Variants in NPEPL1 observed in about 807,000 individuals in gnomAD.
The protein encoded by NPEPL1 is probable aminopeptidase NPEPL1.
A neutral mutation model predicts 52.4 loss-of-function variants in NPEPL1; 45 were observed. The ratio of observed to expected loss-of-function variants is 0.86; its 90% CI spans 0.68 to 1.10. The LOEUF (loss-of-function observed/expected upper bound fraction) is 1.10, where lower values mean the gene tolerates loss of function less well. Ranked by LOEUF, NPEPL1 falls within the 50% of genes least tolerant of loss-of-function variation. The pLI is 0.00. For synonymous variants in NPEPL1, 360 were observed against 314.7 expected (o/e 1.14, Z -1.52); for missense variants, 696 against 710.9 (o/e 0.98, Z 0.24).
intron 1 of NPEPL1, 87 bp downstream of exon 1, chr20:58,693,137 C>T (rs889049758): frequency 1.2e-5 from 11 of 894,082 alleles, no homozygotes; most frequent in Non-Finnish European, 1.2e-5. Context: ...GCCCGCCGCA[C>T]CCCCGCCGCC....
At chr20:58,700,145 A>G (rs569140997) in intron 5 of NPEPL1, among the ~76,000 whole-genome samples, 1 of 152,348 alleles carries the variant, frequency 6.6e-6, no homozygotes, top group Non-Finnish European at 1.5e-5. Flanking sequence ...TGAGCGAGAG[A>G]TAGGGATAAA....
At chr20:58,693,576 A>C in intron 1 of NPEPL1, 161 bp from the exon 2 acceptor site, 1 of 602,142 alleles carries the variant, frequency 1.7e-6, no homozygotes, top group East Asian at 3.0e-5. Flanking sequence ...CTCTGCAGAG[A>C]GGCGACACAT....
chr20:58,712,051 G>A (rs994169069), intron 7 of NPEPL1, among the ~76,000 whole-genome samples: 1 of 152,228 alleles, frequency 6.6e-6, no homozygotes, highest in African/African-American at 2.4e-5. Flanking sequence ...GCATCAGAAA[G>A]CCATAACTTC....
chr20:58,713,319 G>C lies in NPEPL1; in HGVS notation c.1002-101G>C. On this transcript the variant is annotated intron_variant, in intron 8 of 11. Coordinates refer to ENST00000356091, the MANE Select transcript of NPEPL1 (RefSeq NM_024663.4). This position sits in a 1 kb window ranked among gnomAD's most constrained non-coding sequence, Gnocchi z 4.6. ...ACGTGTTGGGGTTCGGGGAGCCACA[G>C]GGATGGGCAGCTCCAAATGGGGTCT... 1 of 1,435,654 alleles carries C rather than the reference G, an allele frequency of 7.0e-7. No homozygotes were observed. The highest frequency in any genetic ancestry group is 9.3e-7 in the Non-Finnish European group (1 of 1,073,756). The allele number at this position is 1,435,654 out of a possible 1,614,324, so 88.9% of individuals were successfully genotyped here. A position where few individuals can be genotyped will look rare whatever the true frequency, so the allele number is the denominator to read the frequency against.
intron 6 of NPEPL1, among the ~76,000 whole-genome samples, chr20:58,702,904 G>A (rs926468971): frequency 2.0e-5 from 3 of 152,204 alleles, no homozygotes; most frequent in Non-Finnish European, 4.4e-5. Flanking sequence ...TCTTCAGGGT[G>A]GATTCTTGTG....
intron 7 of NPEPL1, among the ~76,000 whole-genome samples, chr20:58,712,025 G>A (rs2084856070): frequency 6.6e-6 from 1 of 152,246 alleles, no homozygotes; most frequent in African/African-American, 2.4e-5. Flanking sequence ...ATTTCTCAGT[G>A]AACAAATGAC....
In NPEPL1 at chr20:58,715,439, G is replaced by A. The variant is rs183527479; in HGVS notation, c.*113G>A. ...TGGGTTTTGGTTTGTCTTTCTGGTC[G>A]TCAGCGTGGTGGTGGAAACAGCTGA... On this transcript the variant is annotated 3_prime_UTR_variant, in exon 12 of 12. Transcript: ENST00000356091. The A allele has an allele frequency of 6.0e-5, 71 of 1,176,844 alleles. No homozygotes were observed. In the African/African-American group the frequency reaches 8.3e-4, roughly 14 times the overall value. The allele number at this position is 1,176,844 out of a possible 1,614,324, so 72.9% of individuals were successfully genotyped here. A position where few individuals can be genotyped will look rare whatever the true frequency, so the allele number is the denominator to read the frequency against.
Position 58,693,002 on chromosome 20 carries a change from G to A in NPEPL1, c.102G>A (p.Val34=), listed in dbSNP as rs1410598180. Residue 34 remains valine, a synonymous_variant, in exon 1 of 12, where the codon GTG becomes GTA. Coordinates refer to ENST00000356091, the MANE Select transcript of NPEPL1 (RefSeq NM_024663.4). The part of the protein sequence containing the change: ...LLGQLHHLHR[V]PWSHVRGKLQ... ...GGCAGCTGCACCACCTGCACCGCGT[G>A]CCCTGGAGCCACGTCCGCGGGAAGC... 1 of 1,138,428 alleles carries A rather than the reference G, an allele frequency of 8.8e-7. No individual in the cohort carries two copies. Among genetic ancestry groups the A allele is most frequent in the South Asian group, 2.5e-5 (1 of 39,606 alleles). The allele number at this position is 1,138,428 out of a possible 1,614,324, so 70.5% of individuals were successfully genotyped here. A position where few individuals can be genotyped will look rare whatever the true frequency, so the allele number is the denominator to read the frequency against.
At position 58,695,129 on chromosome 20, in the gene NPEPL1, A is replaced by C. The variant is rs1275589764; in HGVS notation, c.507+537A>C. 3.0e-5 allele frequency among the ~76,000 whole-genome samples: 3 copies of C among 101,220 alleles called. No individual in the cohort carries two copies. In the East Asian group the frequency reaches 9.5e-4, roughly 32 times the overall value. The allele number at this position is 101,220 out of a possible 152,430, so 66.4% of individuals were successfully genotyped here. A position where few individuals can be genotyped will look rare whatever the true frequency, so the allele number is the denominator to read the frequency against. ...TGTGTGTGTGTTTGCTGGTGTGTGC[A>C]TGAGTGGTGTGTGTGTGTGGTGTGC... is the stretch of plus-strand genomic sequence containing the variant. On this transcript the variant is annotated intron_variant, in intron 3 of 11. Coordinates refer to ENST00000356091, the MANE Select transcript of NPEPL1 (RefSeq NM_024663.4).
intron 6 of NPEPL1, chr20:58,705,601 C>A (rs1413497097): frequency 2.2e-6 from 1 of 454,740 alleles, no homozygotes; most frequent in Non-Finnish European, 4.4e-6. Flanking sequence ...AAGGCAGAGA[C>A]CGTCTTAAAT....
chr20:58,710,084 G>A (rs1030026477), intron 7 of NPEPL1, among the ~76,000 whole-genome samples: 1 of 138,644 alleles, frequency 7.2e-6, no homozygotes, highest in Admixed American at 7.5e-5. Flanking sequence ...TGTTGCCCAG[G>A]CTGGTGTGCA....
rs6092682 is a variant in NPEPL1, at chr20:58,692,886, T to C, written c.-15T>C. ...GGCCGGGCCGGGCAGGGCCGGGGCG[T>C]GGGCCGGCAGGAAGATGGCGAACGT... On this transcript the variant is annotated 5_prime_UTR_variant, in exon 1 of 12. Transcript: ENST00000356091. This position sits in a 1 kb window ranked among gnomAD's most constrained non-coding sequence, Gnocchi z 5.7. 0.45 allele frequency: 464,578 copies of C among 1,032,284 alleles called. 105,423 individuals carry two copies. Among genetic ancestry groups the C allele is most frequent in the African/African-American group, 0.46 (26,173 of 56,756 alleles). 63.9% of individuals were successfully genotyped at this position (1,032,284 alleles called of 1,614,324 possible).
In NPEPL1 at chr20:58,713,072, C is replaced by T; in HGVS notation, c.1002-348C>T. On this transcript the variant is annotated intron_variant, in intron 8 of 11. Coordinates refer to ENST00000356091, the MANE Select transcript of NPEPL1 (RefSeq NM_024663.4). The surrounding 1 kb of genome is among the most constrained non-coding windows in gnomAD (Gnocchi z 4.6). ...TGGGCGCCTCCCCGCATCTCCTGCT[C>T]TTCCTCCCCATCTGCCGGGTGCCAG... The T allele has an allele frequency of 2.8e-6, 1 of 359,552 alleles. No homozygotes were observed. The highest frequency in any genetic ancestry group is 5.3e-6 in the Non-Finnish European group (1 of 188,632). 22.3% of individuals were successfully genotyped at this position (359,552 alleles called of 1,614,324 possible).
intron 1 of NPEPL1, chr20:58,693,491 G>A (rs1441625078): frequency 2.3e-6 from 1 of 437,878 alleles, no homozygotes; most frequent in South Asian, 5.0e-5. Context: ...AAGCAAAGCA[G>A]CCCCCAGCCT....
upstream of NPEPL1, among the ~76,000 whole-genome samples, chr20:58,690,488 G>C (rs2084327122): frequency 6.6e-6 from 1 of 152,216 alleles, no homozygotes; most frequent in Non-Finnish European, 1.5e-5. Flanking sequence ...AGTGAAAAAG[G>C]GAAAGTACTT....
intron 5 of NPEPL1, among the ~76,000 whole-genome samples, chr20:58,700,343 TCTACCTAGA>T (rs2084588886): frequency 6.6e-6 from 1 of 152,216 alleles, no homozygotes; most frequent in African/African-American, 2.4e-5. Flanking sequence ...CCTGGTGGTG[TCTACCTAGA>T]CAGGAGCCAT....
At chr20:58,698,826 G>A in intron 4 of NPEPL1, 53 bp downstream of exon 4, 1 of 1,509,558 alleles carries the variant, frequency 6.6e-7, no homozygotes, top group Admixed American at 1.7e-5. Flanking sequence ...GGGTGTCATA[G>A]ACTCCCAGGA....
Position 58,693,797 on chromosome 20 carries a change from CTGAACT to C in NPEPL1, c.212_217del (p.Leu71_Tyr73delinsHis). 6.2e-7 allele frequency: 1 copy of C among 1,613,856 alleles called. No homozygotes were observed. Among genetic ancestry groups the C allele is most frequent in the Non-Finnish European group, 8.5e-7 (1 of 1,179,780 alleles). On this transcript the variant is annotated inframe_deletion, in exon 2 of 12. Transcript: ENST00000356091. ...CCCCACGGACAGCTGTCCCCTCTACCTGAACTACGCCACCGTGGCTGCCCTGCCCTG... is the reference window on the plus strand; with the variant it reads ...CCCCACGGACAGCTGTCCCCTCTACCACGCCACCGTGGCTGCCCTGCCCTG...
chr20:58,696,632 G>A (rs1319096548), intron 3 of NPEPL1, among the ~76,000 whole-genome samples: 1 of 152,194 alleles, frequency 6.6e-6, no homozygotes, highest in African/African-American at 2.4e-5. Flanking sequence ...GTGCTCTCCT[G>A]GGCTGTGGCA....
Sources: allele counts gnomAD v4.1 joint callset (sites outside exome capture counted in the v4.1 genomes callset), GRCh38; gene constraint gnomAD v4.1.1; non-coding constraint Gnocchi (gnomAD v3.1); transcripts MANE v1.5; gene names NCBI Gene and HGNC (gene_info 2026-07-23, HGNC 2026-07-21).